The following RICTOR variants were observed in gnomAD, a reference collection of about 807,000 sequenced individuals.
RICTOR encodes the protein RPTOR independent companion of MTOR complex 2.
Under a neutral mutation model 214.9 loss-of-function variants are expected in RICTOR, and 49 were observed. The observed-to-expected ratio is 0.23, with a 90% CI of 0.18 to 0.29. The LOEUF is 0.29. Ranked by LOEUF, RICTOR falls within the 10% of genes least tolerant of loss-of-function variation. The pLI is 1.00. For missense variants in RICTOR, 1,625 were observed against 2,047.0 expected (o/e 0.79, Z 3.98); for synonymous variants, 717 against 711.3 (o/e 1.01, Z -0.13).
intron 30 of RICTOR, 62 bp downstream of exon 30, chr5:38,952,134 C>A: frequency 9.7e-7 from 1 of 1,025,800 alleles, no homozygotes; most frequent in Admixed American, 2.1e-5. Flanking sequence ...CATTTAAATT[C>A]TAAAATTCAA....
chr5:38,980,068 C>T (rs1449181242), intron 8 of RICTOR, among the ~76,000 whole-genome samples: 3 of 152,086 alleles, frequency 2.0e-5, no homozygotes, highest in Non-Finnish European at 2.9e-5. Context: ...TTCCAGATAT[C>T]GTATTTTCAG....
chr5:38,952,864 A>C, intron 29 of RICTOR, 121 bp downstream of exon 29: 1 of 606,608 alleles, frequency 1.6e-6, no homozygotes, highest in East Asian at 2.7e-5. Flanking sequence ...ATCTTGTATC[A>C]TTAGAACTTT....
At position 38,958,731 on chromosome 5, in the gene RICTOR, T is replaced by C; in HGVS notation, c.2279A>G (p.His760Arg). ...WGIELLVTQLHDKNKTISSEA... is the reference protein window; with the variant it reads ...WGIELLVTQLRDKNKTISSEA... ...AGAGGAAATCGTTTTGTTTTTATCATGTAGCTGGGTCACTAACAACTCAAT... is the reference window on the plus strand; with the variant it reads ...AGAGGAAATCGTTTTGTTTTTATCACGTAGCTGGGTCACTAACAACTCAAT... The change falls in exon 23 of 38, where the codon CAT (histidine) becomes CGT (arginine). Residue 760 changes from histidine (H) to arginine (R), a missense_variant. Physicochemically the swap from His to Arg is conservative, Grantham distance 29. Around this residue, in one of 5 missense-constraint regions of RICTOR, gnomAD observed 1,214 missense variants for 1,470.5 expected, o/e 0.83. Coordinates refer to ENST00000357387, the MANE Select transcript of RICTOR (RefSeq NM_152756.5). 1.9e-6 allele frequency: 3 copies of C among 1,612,284 alleles called. No individual in the cohort carries two copies. Among genetic ancestry groups the C allele is most frequent in the Non-Finnish European group, 2.5e-6 (3 of 1,178,996 alleles).
chr5:39,002,415 T>TAC (rs200895890), intron 5 of RICTOR, 120 bp downstream of exon 5: 17 of 391,492 alleles, frequency 4.3e-5, no homozygotes, highest in Admixed American at 7.1e-5. Flanking sequence ...TATATATATA[T>TAC]ACACACACAC....
chr5:38,959,429 A>T (rs1749595083), intron 21 of RICTOR, 108 bp from the exon 22 acceptor site: 6 of 682,988 alleles, frequency 8.8e-6, no homozygotes, highest in Non-Finnish European at 1.4e-5. Context: ...ACAAATAAAA[A>T]TTGTATTATT....
intron 3 of RICTOR, among the ~76,000 whole-genome samples, chr5:39,006,358 T>A (rs1235865868): frequency 6.6e-6 from 1 of 152,100 alleles, no homozygotes; most frequent in Non-Finnish European, 1.5e-5. Flanking sequence ...TAGATATGAG[T>A]CTGGAGAATT....
chr5:38,991,118 C>T (rs768065379), intron 6 of RICTOR, 43 bp from the exon 7 acceptor site: 3 of 1,443,400 alleles, frequency 2.1e-6, no homozygotes, highest in Non-Finnish European at 2.8e-6. Flanking sequence ...TTTAGTAATA[C>T]ATTTCTTAAA....
intron 2 of RICTOR, among the ~76,000 whole-genome samples, chr5:39,045,450 T>G (rs1406754839): frequency 1.3e-5 from 2 of 152,170 alleles, no homozygotes; most frequent in African/African-American, 4.8e-5. Flanking sequence ...CATGTTCTGC[T>G]ACAATTTCTA....
chr5:39,065,329 C>G (rs905151131), intron 2 of RICTOR, among the ~76,000 whole-genome samples: 14 of 152,134 alleles, frequency 9.2e-5, no homozygotes, highest in African/African-American at 3.1e-4. Flanking sequence ...GAAGACAGCA[C>G]CAAGCCATGA....
At chr5:38,978,162 ATATT>A (rs1263102874) in intron 9 of RICTOR, among the ~76,000 whole-genome samples, 3 of 143,622 alleles carry the variant, frequency 2.1e-5, no homozygotes, top group African/African-American at 5.0e-5. Context: ...CTAGATAATA[ATATT>A]TACTCTATTC....
intron 3 of RICTOR, among the ~76,000 whole-genome samples, chr5:39,016,278 C>T (rs561455529): frequency 6.7e-6 from 1 of 148,784 alleles, no homozygotes; most frequent in Non-Finnish European, 1.5e-5. Context: ...CAGAGATACA[C>T]TGCATACTCT....
At chr5:38,972,644 T>C (rs983898879) in intron 10 of RICTOR, among the ~76,000 whole-genome samples, 7 of 152,128 alleles carry the variant, frequency 4.6e-5, no homozygotes, top group Admixed American at 1.3e-4. Flanking sequence ...GGGAGTCACA[T>C]ATGCTGATGA....
intron 3 of RICTOR, among the ~76,000 whole-genome samples, chr5:39,008,321 T>C (rs1217417713): frequency 6.6e-6 from 1 of 152,114 alleles, no homozygotes; most frequent in African/African-American, 2.4e-5. Context: ...ATATATAGTA[T>C]TGATGAATAC....
At chr5:38,999,866 TATG>T (rs1450420327) in intron 5 of RICTOR, among the ~76,000 whole-genome samples, 1 of 151,774 alleles carries the variant, frequency 6.6e-6, no homozygotes, top group Non-Finnish European at 1.5e-5. Flanking sequence ...AAAAAAACTA[TATG>T]ATATTTACAG....
intron 7 of RICTOR, among the ~76,000 whole-genome samples, chr5:38,984,853 T>G (rs917580839): frequency 5.9e-5 from 9 of 152,186 alleles, no homozygotes; most frequent in African/African-American, 1.9e-4. Flanking sequence ...AGACTCTCGC[T>G]CTATCACCCC....
intron 2 of RICTOR, among the ~76,000 whole-genome samples, chr5:39,060,582 A>G (rs1305069083): frequency 6.6e-6 from 1 of 151,998 alleles, no homozygotes; most frequent in Non-Finnish European, 1.5e-5. Context: ...TGATGACCCT[A>G]GCCAAGGAGA....
At chr5:39,033,615 T>A (rs1756429367) in intron 2 of RICTOR, among the ~76,000 whole-genome samples, 1 of 152,134 alleles carries the variant, frequency 6.6e-6, no homozygotes, top group Non-Finnish European at 1.5e-5. Flanking sequence ...TGGCAATTTC[T>A]GCTGATTTGT....
intron 2 of RICTOR, among the ~76,000 whole-genome samples, chr5:39,068,357 G>A (rs978998793): frequency 6.6e-6 from 1 of 152,162 alleles, no homozygotes; most frequent in Non-Finnish European, 1.5e-5. Flanking sequence ...CTTTAGACTG[G>A]CAAACTCTCC....
chr5:39,062,374 T>G (rs534938239), intron 2 of RICTOR, among the ~76,000 whole-genome samples: 1 of 151,988 alleles, frequency 6.6e-6, no homozygotes, highest in Non-Finnish European at 1.5e-5. Flanking sequence ...ACCACTGGAG[T>G]CTCTCCCTGC....
Sources: allele counts gnomAD v4.1 joint callset (sites outside exome capture counted in the v4.1 genomes callset), GRCh38; gene constraint gnomAD v4.1.1; regional missense constraint gnomAD v4.1.1; transcripts MANE v1.5; gene names NCBI Gene and HGNC (gene_info 2026-07-23, HGNC 2026-07-21).